Variants in ULK4 observed in about 807,000 individuals in gnomAD.
ULK4 encodes inactive serine/threonine-protein kinase ULK4.
In ULK4, 133 loss-of-function variants were observed where a neutral mutation model predicts 160.6. The ratio of observed to expected loss-of-function variants is 0.83; its 90% CI spans 0.72 to 0.96. ULK4 has a LOEUF of 0.96. Among genes scored for constraint, ULK4 ranks in the 40% least tolerant of loss-of-function variants. The probability of loss-of-function intolerance (pLI) is 0.00; values close to 1 mark genes in which losing one functional copy is unlikely to be tolerated. For synonymous variants in ULK4, 534 were observed against 539.8 expected, an observed-to-expected ratio of 0.99 and a Z score of 0.15; for missense variants, 1,580 against 1,499.5, an observed-to-expected ratio of 1.05 and a Z score of -0.89.
At chr3:41,747,852 T>A (rs1311010760) in intron 22 of ULK4, among the ~76,000 whole-genome samples, 2 of 152,122 alleles carry the variant, frequency 1.3e-5, no homozygotes, top group Non-Finnish European at 2.9e-5. Flanking sequence ...ATCTTGGATC[T>A]GTAGCCGATG....
intron 31 of ULK4, among the ~76,000 whole-genome samples, chr3:41,578,197 A>G (rs965137004): frequency 4.6e-5 from 7 of 152,220 alleles, no homozygotes; most frequent in African/African-American, 1.7e-4. Context: ...CCTTTCTCCA[A>G]TAGAATATTC....
At chr3:41,581,393 T>C (rs2030326648) in intron 31 of ULK4, among the ~76,000 whole-genome samples, 1 of 151,518 alleles carries the variant, frequency 6.6e-6, no homozygotes, top group African/African-American at 2.4e-5. Flanking sequence ...TAACAAGAGG[T>C]TTTAATGAGA....
chr3:41,604,639 T>C (rs897304670), intron 31 of ULK4, among the ~76,000 whole-genome samples: 1 of 152,152 alleles, frequency 6.6e-6, no homozygotes, highest in Non-Finnish European at 1.5e-5. Flanking sequence ...AAGATGCTTA[T>C]TGATGACATC....
chr3:41,409,539 A>C (rs1207768078), intron 34 of ULK4, among the ~76,000 whole-genome samples: 1 of 152,206 alleles, frequency 6.6e-6, no homozygotes, highest in Non-Finnish European at 1.5e-5. Flanking sequence ...CACTAATTTT[A>C]AAAATAATCC....
At chr3:41,860,411 G>A (rs993275031) in intron 17 of ULK4, among the ~76,000 whole-genome samples, 1 of 151,988 alleles carries the variant, frequency 6.6e-6, no homozygotes, top group African/African-American at 2.4e-5. Flanking sequence ...CCAGTGTTGG[G>A]TACATATATA....
intron 35 of ULK4, among the ~76,000 whole-genome samples, chr3:41,306,168 A>C (rs868158189): frequency 2.9e-5 from 2 of 70,056 alleles, no homozygotes. Context: ...CAGCCGCCCC[A>C]TCCGGGAGGG....
chr3:41,266,347 G>A lies in ULK4; in HGVS notation c.3679-16773C>T, dbSNP rs535326617. Reference sequence around the variant, plus strand: ...TATGGTCCAACTGAATCTCTAATGGGTGAAGCTGATTCTAGAAAAGCCTCA... The same window carrying A: ...TATGGTCCAACTGAATCTCTAATGGATGAAGCTGATTCTAGAAAAGCCTCA... On this transcript the variant is annotated intron_variant, in intron 35 of 36. Transcript: ENST00000301831. Among the ~76,000 whole-genome samples the A allele has an allele frequency of 1.1e-4, 17 of 152,276 alleles. No individual in the cohort carries two copies. In the South Asian group the frequency reaches 3.5e-3, roughly 32 times the overall value.
At chr3:41,787,515 C>T (rs932596135) in intron 21 of ULK4, among the ~76,000 whole-genome samples, 1 of 152,120 alleles carries the variant, frequency 6.6e-6, no homozygotes, top group Non-Finnish European at 1.5e-5. Context: ...AATGCAGCAC[C>T]CTTCTTCCCC....
chr3:41,829,095 G>C (rs2041477503), intron 18 of ULK4, among the ~76,000 whole-genome samples: 1 of 151,320 alleles, frequency 6.6e-6, no homozygotes, highest in South Asian at 2.1e-4. Flanking sequence ...CTAGCCATAT[G>C]TAGAAAGCTG....
At chr3:41,312,489 A>G (rs1325598342) in intron 35 of ULK4, among the ~76,000 whole-genome samples, 1 of 152,198 alleles carries the variant, frequency 6.6e-6, no homozygotes, top group Non-Finnish European at 1.5e-5. Flanking sequence ...AGTCATAATA[A>G]AAACACTATA....
chr3:41,318,196 G>T (rs1273268916), intron 35 of ULK4, among the ~76,000 whole-genome samples: 1 of 152,022 alleles, frequency 6.6e-6, no homozygotes, highest in East Asian at 1.9e-4. Context: ...CATGAATGTT[G>T]TGAGAAATAA....
chr3:41,542,502 C>G (rs2086730531), intron 32 of ULK4, among the ~76,000 whole-genome samples: 2 of 151,910 alleles, frequency 1.3e-5, no homozygotes, highest in African/African-American at 4.8e-5. Flanking sequence ...TTGTCTTTGC[C>G]AGGTTTTGGT....
At chr3:41,310,845 T>C (rs993706563) in intron 35 of ULK4, among the ~76,000 whole-genome samples, 2 of 151,782 alleles carry the variant, frequency 1.3e-5, no homozygotes, top group African/African-American at 4.8e-5. Context: ...ATTTAAAAAT[T>C]AGCTATGTGT....
At chr3:41,745,101 C>T (rs991690231) in intron 22 of ULK4, among the ~76,000 whole-genome samples, 3 of 151,102 alleles carry the variant, frequency 2.0e-5, no homozygotes, top group African/African-American at 7.3e-5. Context: ...CTACATGAGA[C>T]CTTTTACAAA....
At chr3:41,961,515 A>G (rs1046625695) in intron 1 of ULK4, among the ~76,000 whole-genome samples, 2 of 142,038 alleles carry the variant, frequency 1.4e-5, no homozygotes, top group Non-Finnish European at 3.0e-5. Flanking sequence ...CACAGACTCA[A>G]TTATCACAGA....
chr3:41,770,395 G>C (rs2039312489), intron 21 of ULK4, among the ~76,000 whole-genome samples: 1 of 152,062 alleles, frequency 6.6e-6, no homozygotes, highest in Admixed American at 6.6e-5. Context: ...TTTTTCTGTA[G>C]GGCGGTAACC....
intron 18 of ULK4, among the ~76,000 whole-genome samples, chr3:41,820,588 A>C (rs1017603652): frequency 1.3e-5 from 2 of 152,112 alleles, no homozygotes; most frequent in African/African-American, 2.4e-5. Flanking sequence ...ATACACACAG[A>C]CAGAAGATAG....
At chr3:41,938,729 T>C (rs1052647430) in intron 2 of ULK4, among the ~76,000 whole-genome samples, 7 of 152,146 alleles carry the variant, frequency 4.6e-5, no homozygotes, top group African/African-American at 1.4e-4. Context: ...AATACTCTTA[T>C]GTGTGTCTGT....
In ULK4 at chr3:41,607,019, T is replaced by G. The variant is rs1210847635; in HGVS notation, c.3120+8650A>C. Among the ~76,000 whole-genome samples, 6 of 152,252 alleles carry G rather than the reference T, an allele frequency of 3.9e-5. No homozygotes were observed. In the East Asian group the frequency reaches 1.2e-3, roughly 29 times the overall value. On this transcript the variant is annotated intron_variant, in intron 31 of 36. Transcript: ENST00000301831. ...CTTTTGTAGTTGTACTCATAAAATC[T>G]TTGCCTAGATCAATGTCCTGAAGCA...
Sources: allele counts gnomAD v4.1 joint callset (sites outside exome capture counted in the v4.1 genomes callset), GRCh38; gene constraint gnomAD v4.1.1; transcripts MANE v1.5; gene names NCBI Gene and HGNC (gene_info 2026-07-23, HGNC 2026-07-21).